Variants in PPP2R1B observed in about 807,000 individuals in gnomAD.
PPP2R1B encodes protein phosphatase 2 scaffold subunit Abeta.
A neutral mutation model predicts 72.7 loss-of-function variants in PPP2R1B; 58 were observed. The ratio of observed to expected loss-of-function variants is 0.80; its 90% CI spans 0.65 to 0.99. The LOEUF (loss-of-function observed/expected upper bound fraction) is 0.99. Ranked by LOEUF, PPP2R1B falls within the 50% of genes least tolerant of loss-of-function variation. PPP2R1B has a pLI of 0.00. For missense variants in PPP2R1B, 695 were observed against 733.6 expected (o/e 0.95, Z 0.61); for synonymous variants, 256 against 264.6 (o/e 0.97, Z 0.32).
the PPP2R1B span, among the ~76,000 whole-genome samples, chr11:111,711,150 G>T: frequency 6.8e-5 from 10 of 146,424 alleles, no homozygotes; most frequent in Non-Finnish European, 1.5e-4. Flanking sequence ...ACGGAGTCTT[G>T]CTCTGTTGCC....
At chr11:111,712,345 C>T in the PPP2R1B span, 3 of 1,614,140 alleles carry the variant, frequency 1.9e-6, no homozygotes, top group Non-Finnish European at 2.5e-6. Flanking sequence ...AAGCTGCATT[C>T]ATGGAAGAAG....
intron 4 of PPP2R1B, 72 bp from the exon 5 acceptor site, chr11:111,760,023 C>CAA: frequency 6.8e-7 from 1 of 1,478,008 alleles, no homozygotes; most frequent in Non-Finnish European, 9.2e-7. Flanking sequence ...TACACACAGA[C>CAA]AGACTTTTAG....
chr11:111,750,312 G>A (rs565873919), intron 10 of PPP2R1B, among the ~76,000 whole-genome samples: 28 of 152,302 alleles, frequency 1.8e-4, no homozygotes, highest in African/African-American at 6.5e-4. Context: ...CTGTAGCGAT[G>A]TCAATAGTAA....
the PPP2R1B span, among the ~76,000 whole-genome samples, chr11:111,700,682 C>T: frequency 6.6e-6 from 1 of 152,176 alleles, no homozygotes; most frequent in African/African-American, 2.4e-5. Context: ...TTCATTTACA[C>T]ATTCATTCAG....
At chr11:111,741,709 A>G in intron 14 of PPP2R1B, 97 bp from the exon 15 acceptor site, 4 of 1,318,736 alleles carry the variant, frequency 3.0e-6, no homozygotes, top group South Asian at 2.6e-5. Context: ...AAACGTATCA[A>G]ACTAACAACT....
chr11:111,702,293 T>G, the PPP2R1B span, among the ~76,000 whole-genome samples: 1 of 152,162 alleles, frequency 6.6e-6, no homozygotes, highest in South Asian at 2.1e-4. Flanking sequence ...TTTAATTAAA[T>G]TAATCTGTCA....
At chr11:111,736,491 G>A (rs985388053), downstream of PPP2R1B, among the ~76,000 whole-genome samples, 2 of 152,128 alleles carry the variant, frequency 1.3e-5, no homozygotes, top group South Asian at 2.1e-4. Flanking sequence ...CTGTGAAGAC[G>A]ACATGGACTC....
chr11:111,739,198 G>T lies in PPP2R1B; in HGVS notation c.*2398C>A, dbSNP rs1944438051. ...CATCCATTGAACACATTTTTATTGA[G>T]CACCTATTATGTGCACCAGACACTG... On this transcript the variant is annotated 3_prime_UTR_variant, in exon 15 of 15. Coordinates refer to ENST00000527614, the MANE Select transcript of PPP2R1B (RefSeq NM_002716.5). 3 of 982,900 alleles carry T rather than the reference G, an allele frequency of 3.1e-6. No homozygotes were observed. Among genetic ancestry groups the T allele is most frequent in the Non-Finnish European group, 3.6e-6 (3 of 827,752 alleles). 60.9% of individuals were successfully genotyped at this position (982,900 alleles called of 1,614,324 possible). A position where few individuals can be genotyped will look rare whatever the true frequency, so the allele number is the denominator to read the frequency against.
chr11:111,739,844 C>A lies in PPP2R1B; in HGVS notation c.*1752G>T. ...ATGAGAATATAGAAAAAGATTTGTGCTTAGGAAAATACTTAATTCTTGGCC... is the reference window on the plus strand; with the variant it reads ...ATGAGAATATAGAAAAAGATTTGTGATTAGGAAAATACTTAATTCTTGGCC... On this transcript the variant is annotated 3_prime_UTR_variant, in exon 15 of 15. Coordinates refer to ENST00000527614, the MANE Select transcript of PPP2R1B (RefSeq NM_002716.5). 1 of 976,356 alleles carries A rather than the reference C, an allele frequency of 1.0e-6. No individual in the cohort carries two copies. The highest frequency in any genetic ancestry group is 1.2e-6 in the Non-Finnish European group (1 of 821,810). 60.5% of individuals were successfully genotyped at this position (976,356 alleles called of 1,614,324 possible). A position where few individuals can be genotyped will look rare whatever the true frequency, so the allele number is the denominator to read the frequency against.
At chr11:111,751,623 A>G (rs1944910114) in intron 10 of PPP2R1B, among the ~76,000 whole-genome samples, 1 of 152,214 alleles carries the variant, frequency 6.6e-6, no homozygotes, top group Admixed American at 6.5e-5. Context: ...GGTCCCAAAC[A>G]TGCTGGTCCC....
chr11:111,715,618 A>G, the PPP2R1B span, among the ~76,000 whole-genome samples: 1 of 152,140 alleles, frequency 6.6e-6, no homozygotes, highest in Non-Finnish European at 1.5e-5. Context: ...GCCCAACTCT[A>G]GATAAGAATG....
At chr11:111,742,202 T>C (rs536081428) in intron 13 of PPP2R1B, 58 bp from the exon 14 acceptor site, 117 of 1,314,288 alleles carry the variant, frequency 8.9e-5, no homozygotes, top group Admixed American at 1.9e-4. Flanking sequence ...GAAATCCTTT[T>C]TGGTGTATAT....
At position 111,764,816 on chromosome 11, in the gene PPP2R1B, G is replaced by A. The variant is rs1555052474; in HGVS notation, c.295C>T (p.His99Tyr). The A allele has an allele frequency of 7.4e-6, 12 of 1,613,978 alleles. No homozygotes were observed. The highest frequency in any genetic ancestry group is 1.0e-5 in the Non-Finnish European group (12 of 1,179,976). ...TTATAAATACTCACCAGCAGACAGT[G>A]GGCAAAGTCAGGACCTCCCACTAGG... ...TGLVGGPDFA[H>Y]CLLPPLENLA... Residue 99 changes from histidine (H) to tyrosine (Y), a missense_variant, in exon 3 of 15, where the codon CAC becomes TAC. Coordinates refer to ENST00000527614, the MANE Select transcript of PPP2R1B (RefSeq NM_002716.5).
the PPP2R1B span, among the ~76,000 whole-genome samples, chr11:111,695,525 T>C: frequency 1.3e-5 from 2 of 152,354 alleles, no homozygotes; most frequent in Non-Finnish European, 2.9e-5. Flanking sequence ...ACAGTAAACA[T>C]TGACAAACTG....
At chr11:111,748,142 G>A in intron 10 of PPP2R1B, 128 bp from the exon 11 acceptor site, 1 of 698,062 alleles carries the variant, frequency 1.4e-6, no homozygotes. Context: ...ATAAGAGATA[G>A]AAACACCACA....
chr11:111,750,186 A>G (rs1236671297), intron 10 of PPP2R1B, among the ~76,000 whole-genome samples: 2 of 152,244 alleles, frequency 1.3e-5, no homozygotes, highest in African/African-American at 4.8e-5. Flanking sequence ...GCATGTTCAT[A>G]AACTAAATGT....
the PPP2R1B span, among the ~76,000 whole-genome samples, chr11:111,702,416 C>A: frequency 6.6e-6 from 1 of 152,146 alleles, no homozygotes; most frequent in Non-Finnish European, 1.5e-5. Flanking sequence ...AAGACCCTGT[C>A]TCTACAAAAA....
At chr11:111,751,637 C>T (rs1944910526) in intron 10 of PPP2R1B, among the ~76,000 whole-genome samples, 2 of 152,150 alleles carry the variant, frequency 1.3e-5, no homozygotes, top group Non-Finnish European at 2.9e-5. Flanking sequence ...TGGTCCCAAG[C>T]GTATTTAGAT....
At chr11:111,761,155 C>T (rs1555051315) in intron 3 of PPP2R1B, 104 bp from the exon 4 acceptor site, 2 of 974,144 alleles carry the variant, frequency 2.1e-6, no homozygotes, top group Admixed American at 2.0e-5. Flanking sequence ...TACACGTAAC[C>T]AGAATGTTAG....
Sources: allele counts gnomAD v4.1 joint callset (sites outside exome capture counted in the v4.1 genomes callset), GRCh38; gene constraint gnomAD v4.1.1; transcripts MANE v1.5; gene names NCBI Gene and HGNC (gene_info 2026-07-23, HGNC 2026-07-21).